Variants in SDK1 observed in about 807,000 individuals in gnomAD.
SDK1 encodes the protein protein sidekick-1.
Under a neutral mutation model 245.5 loss-of-function variants are expected in SDK1, and 157 were observed. The ratio of observed to expected loss-of-function variants is 0.64; its 90% CI spans 0.56 to 0.73. The LOEUF is 0.73. SDK1 is among the 30% of genes least tolerant of loss of function. SDK1 has a pLI of 0.00. For missense variants in SDK1, 3,583 were observed against 3,002.3 expected, an observed-to-expected ratio of 1.19 and a Z score of -4.52; for synonymous variants, 1,647 against 1,278.5, an observed-to-expected ratio of 1.29 and a Z score of -6.15.
intron 20 of SDK1, among the ~76,000 whole-genome samples, chr7:4,075,450 C>T (rs368842606): frequency 4.6e-5 from 7 of 152,290 alleles, no homozygotes; most frequent in East Asian, 1.9e-4. Flanking sequence ...GTTTCAGGTG[C>T]GTCCTAGCGC....
intron 1 of SDK1, among the ~76,000 whole-genome samples, chr7:3,507,931 C>T (rs766923222): frequency 3.9e-5 from 6 of 152,272 alleles, no homozygotes; most frequent in Middle Eastern, 3.4e-3. Flanking sequence ...AAACCTATCT[C>T]GGTCTTAATC....
intron 5 of SDK1, among the ~76,000 whole-genome samples, chr7:3,867,117 A>T (rs1311188115): frequency 6.6e-6 from 1 of 152,242 alleles, no homozygotes; most frequent in Non-Finnish European, 1.5e-5. Flanking sequence ...TGTAAAAGCT[A>T]AGAAAAATTA....
chr7:3,499,523 C>T (rs566349431), intron 1 of SDK1, among the ~76,000 whole-genome samples: 8 of 152,320 alleles, frequency 5.3e-5, no homozygotes, highest in East Asian at 3.9e-4. Context: ...TCATTGTTTC[C>T]GTCTCTCTCA....
At chr7:3,341,610 T>G (rs1442451145) in intron 1 of SDK1, among the ~76,000 whole-genome samples, 1 of 152,208 alleles carries the variant, frequency 6.6e-6, no homozygotes, top group African/African-American at 2.4e-5. Context: ...ACATAGTTGC[T>G]GCATACAGGA....
At chr7:4,024,284 G>A (rs1442242716) in intron 17 of SDK1, among the ~76,000 whole-genome samples, 1 of 152,192 alleles carries the variant, frequency 6.6e-6, no homozygotes, top group Non-Finnish European at 1.5e-5. Flanking sequence ...GATTATAAAT[G>A]AGCACTCTGT....
Position 3,736,992 on chromosome 7 carries a change from T to C in SDK1, c.714-84458T>C, listed in dbSNP as rs190248652. Among the ~76,000 whole-genome samples, 534 of 152,382 alleles carry C rather than the reference T, an allele frequency of 3.5e-3. 4 individuals carry two copies. Among genetic ancestry groups the C allele is most frequent in the South Asian group, 0.017 (81 of 4,830 alleles). ...TCTGTTTCTAAGAGTTGTACTTTTT[T>C]AGATTTCACATATAAGTGAGATCAT... On this transcript the variant is annotated intron_variant, in intron 4 of 44. Coordinates refer to ENST00000404826, the MANE Select transcript of SDK1 (RefSeq NM_152744.4).
intron 2 of SDK1, among the ~76,000 whole-genome samples, chr7:3,627,674 T>C (rs1377150153): frequency 6.6e-6 from 1 of 152,226 alleles, no homozygotes; most frequent in African/African-American, 2.4e-5. Context: ...GAGCTGTTGC[T>C]TTTGGATTCA....
intron 1 of SDK1, among the ~76,000 whole-genome samples, chr7:3,608,134 G>A (rs560546345): frequency 6.6e-6 from 1 of 152,322 alleles, no homozygotes; most frequent in South Asian, 2.1e-4. Flanking sequence ...ACACACCTAT[G>A]AGTAAAAACC....
intron 2 of SDK1, among the ~76,000 whole-genome samples, chr7:3,635,857 C>T (rs1488176632): frequency 1.3e-5 from 2 of 152,146 alleles, no homozygotes; most frequent in African/African-American, 2.4e-5. Flanking sequence ...AGGCTCACAC[C>T]ACCACACTTG....
chr7:3,474,143 C>A (rs953140176), intron 1 of SDK1, among the ~76,000 whole-genome samples: 1 of 128,160 alleles, frequency 7.8e-6, no homozygotes, highest in Non-Finnish European at 1.6e-5. Context: ...CTCTCTGTTG[C>A]CCAGGCTGGG....
intron 1 of SDK1, among the ~76,000 whole-genome samples, chr7:3,417,661 A>G (rs912194446): frequency 1.3e-5 from 2 of 152,148 alleles, no homozygotes; most frequent in Non-Finnish European, 2.9e-5. Context: ...GCTATGATAT[A>G]TTTGTTGCCT....
chr7:3,459,964 A>T (rs1780784132), intron 1 of SDK1, among the ~76,000 whole-genome samples: 1 of 152,250 alleles, frequency 6.6e-6, no homozygotes, highest in Non-Finnish European at 1.5e-5. Context: ...TTGGATAGCA[A>T]AGAAAGTGAT....
chr7:3,448,042 C>T (rs1780397578), intron 1 of SDK1, among the ~76,000 whole-genome samples: 2 of 152,026 alleles, frequency 1.3e-5, no homozygotes, highest in South Asian at 4.1e-4. Flanking sequence ...CTTTGATTTC[C>T]AGAGGGTAGG....
chr7:3,334,126 C>T (rs1174999131), intron 1 of SDK1, among the ~76,000 whole-genome samples: 1 of 152,206 alleles, frequency 6.6e-6, no homozygotes, highest in Non-Finnish European at 1.5e-5. Flanking sequence ...AAATCTAGAG[C>T]AGAACCCCAA....
intron 15 of SDK1, among the ~76,000 whole-genome samples, chr7:4,011,346 G>C (rs1408555880): frequency 2.6e-5 from 4 of 152,218 alleles, no homozygotes; most frequent in Admixed American, 2.6e-4. Context: ...TTTTTCCTGT[G>C]GCGATCTGGC....
intron 4 of SDK1, among the ~76,000 whole-genome samples, chr7:3,655,974 A>C (rs991801790): frequency 2.0e-5 from 3 of 152,180 alleles, no homozygotes; most frequent in Non-Finnish European, 4.4e-5. Context: ...TTGAATATAC[A>C]TGTGGAAACC....
chr7:4,152,494 C>G (rs560081851), intron 30 of SDK1, among the ~76,000 whole-genome samples: 1 of 152,316 alleles, frequency 6.6e-6, no homozygotes, highest in East Asian at 1.9e-4. Flanking sequence ...AAAAAATATC[C>G]AGCCACTATT....
intron 2 of SDK1, among the ~76,000 whole-genome samples, chr7:3,636,952 C>T (rs557104814): frequency 6.6e-6 from 1 of 152,204 alleles, no homozygotes; most frequent in African/African-American, 2.4e-5. Flanking sequence ...AGCTCTTTTT[C>T]ATATACCTGT....
chr7:3,721,182 C>A (rs1044075445), intron 4 of SDK1, among the ~76,000 whole-genome samples: 1 of 152,120 alleles, frequency 6.6e-6, no homozygotes, highest in Non-Finnish European at 1.5e-5. Context: ...TGTTCCCTCT[C>A]TTGGTTGTGG....
Sources: gnomAD v4.1 joint callset for allele counts (sites outside exome capture counted in the v4.1 genomes callset) on GRCh38, gnomAD v4.1.1 for gene constraint, MANE v1.5 for transcripts, NCBI Gene and HGNC (gene_info 2026-07-23, HGNC 2026-07-21) for gene names.